The following TNS2 variants were observed in gnomAD, a reference collection of about 807,000 sequenced individuals.
TNS2 encodes tensin 2, also known as tensin-2.
TNS2 carries 77 observed loss-of-function variants against 155.7 expected under a neutral mutation model. The ratio of observed to expected loss-of-function variants is 0.49; its 90% CI spans 0.41 to 0.60. The LOEUF (loss-of-function observed/expected upper bound fraction) is 0.60, where lower values mean the gene tolerates loss of function less well. TNS2 is among the 20% of genes least tolerant of loss of function. The pLI, the probability that TNS2 is intolerant of heterozygous loss-of-function variation, is 0.00. For missense variants in TNS2, 1,703 were observed against 1,868.8 expected (o/e 0.91, Z 1.64); for synonymous variants, 726 against 763.9 (o/e 0.95, Z 0.82).
upstream of TNS2, among the ~76,000 whole-genome samples, chr12:53,048,249 G>A (rs1943798686): frequency 6.6e-6 from 1 of 152,210 alleles, no homozygotes; most frequent in African/African-American, 2.4e-5. Context: ...CCCTCACCGA[G>A]CTCACTGCTT....
At position 53,051,869 on chromosome 12, in the gene TNS2, G is replaced by A; in HGVS notation, c.90G>A (p.Glu30=). 6.2e-7 allele frequency: 1 copy of A among 1,613,332 alleles called. No individual in the cohort carries two copies. The highest frequency in any genetic ancestry group is 8.5e-7 in the Non-Finnish European group (1 of 1,179,568). ...SRAASRPRKA[E]PHSFREKVFR... Reference sequence around the variant, plus strand: ...TCCACCTTCAGCCTAGGAAAGCTGAGCCTCATAGCTTCCGGGAGAAGGTTT... The same window carrying A: ...TCCACCTTCAGCCTAGGAAAGCTGAACCTCATAGCTTCCGGGAGAAGGTTT... The change falls in exon 2 of 29, where the codon GAG becomes GAA. Residue 30 remains glutamate (E), a synonymous_variant. Transcript: ENST00000314250.
intron 11 of TNS2, 87 bp from the exon 12 acceptor site, chr12:53,057,480 G>C (rs1026276685): frequency 1.0e-6 from 1 of 1,003,398 alleles, no homozygotes; most frequent in East Asian, 2.4e-5. Context: ...GCAGAAGAGC[G>C]AGCCTTCTAA....
chr12:53,053,900 G>T lies in TNS2; in HGVS notation c.301-65G>T. On this transcript the variant is annotated intron_variant, in intron 5 of 28. Transcript: ENST00000314250. ...CTGAAGACAAAAAGGGCATGGCTCT[G>T]GAGTGGGCAGTCTAGAGTAGGGGGT... 8.1e-6 allele frequency: 13 copies of T among 1,614,026 alleles called. No homozygotes were observed. The South Asian group carries it at 1.4e-4, about 18-fold the overall frequency.
intron 24 of TNS2, 58 bp downstream of exon 24, chr12:53,062,511 G>T: frequency 6.2e-7 from 1 of 1,609,642 alleles, no homozygotes; most frequent in East Asian, 2.2e-5. Context: ...GCCAAAGCAG[G>T]ATCCAGAGGT....
At position 53,055,591 on chromosome 12, in the gene TNS2, G is replaced by A; in HGVS notation, c.597G>A (p.Glu199=). 1 of 1,610,688 alleles carries A rather than the reference G, an allele frequency of 6.2e-7. No homozygotes were observed. The part of the protein sequence containing the change: ...NPKVQDFGWP[E]LHAPPLDKLC... Reference sequence around the variant, plus strand: ...AGGTTCAAGACTTCGGCTGGCCTGAGCTGCATGCTCCACCCCTGGACAAGC... The same window carrying A: ...AGGTTCAAGACTTCGGCTGGCCTGAACTGCATGCTCCACCCCTGGACAAGC... The change falls in exon 9 of 29, where the codon GAG becomes GAA. Residue 199 remains glutamate (E), a synonymous_variant. Coordinates refer to ENST00000314250, the MANE Select transcript of TNS2 (RefSeq NM_170754.4).
At position 53,060,882 on chromosome 12, in the gene TNS2, A is replaced by G. The variant is rs773076109; in HGVS notation, c.2976A>G (p.Pro992=). ...SPSDWPQERS[P]GGHSDGASPR... is the part of the protein sequence containing the mutation. ...GTGACTGGCCTCAGGAAAGGAGTCC[A>G]GGGGGCCACTCAGATGGCGCCAGTC... Residue 992 remains proline (P), a synonymous_variant, in exon 20 of 29, where the codon CCA becomes CCG. Transcript: ENST00000314250. The surrounding 1 kb of genome is among the most constrained non-coding windows in gnomAD (Gnocchi z 6.1). The G allele has an allele frequency of 1.2e-5, 19 of 1,591,678 alleles. No homozygotes were observed. In the Admixed American group the frequency reaches 3.3e-4, roughly 27 times the overall value.
In TNS2 at chr12:53,063,228, G is replaced by A; in HGVS notation, c.3963G>A (p.Gln1321=). ...TTGTCCACTTCAAGGTGTCAGCCCA[G>A]GGCATTACACTGACGGACAACCAAA... ...PAVVHFKVSA[Q]GITLTDNQRK... is the part of the protein sequence containing the mutation. Residue 1321 remains glutamine (Q), a synonymous_variant, in exon 26 of 29, where the codon CAG becomes CAA. Coordinates refer to ENST00000314250, the MANE Select transcript of TNS2 (RefSeq NM_170754.4). The surrounding 1 kb of genome is among the most constrained non-coding windows in gnomAD (Gnocchi z 5.6). The A allele has an allele frequency of 6.2e-7, 1 of 1,612,958 alleles. No homozygotes were observed. Among genetic ancestry groups the A allele is most frequent in the Non-Finnish European group, 8.5e-7 (1 of 1,179,572 alleles).
At chr12:53,054,117 C>G (rs1303514019) in intron 6 of TNS2, 103 bp downstream of exon 6, 10 of 1,575,700 alleles carry the variant, frequency 6.3e-6, no homozygotes, top group Non-Finnish European at 8.7e-6. Flanking sequence ...GGACAGCCCC[C>G]CACCCCCAAA....
chr12:53,047,648 C>A (rs1313160147), upstream of TNS2, among the ~76,000 whole-genome samples: 1 of 151,896 alleles, frequency 6.6e-6, no homozygotes, highest in Non-Finnish European at 1.5e-5. Flanking sequence ...CGGGGCCGCA[C>A]GCCGTGCCAC....
upstream of TNS2, among the ~76,000 whole-genome samples, chr12:53,047,785 G>A (rs1943779762): frequency 6.6e-6 from 1 of 152,182 alleles, no homozygotes; most frequent in Non-Finnish European, 1.5e-5. Flanking sequence ...GCACAGATGA[G>A]GCTGATTCGA....
At position 53,059,858 on chromosome 12, in the gene TNS2, GC is replaced by G. The variant is rs1330758884; in HGVS notation, c.2219del (p.Pro740LeufsTer16). On this transcript the variant is annotated frameshift_variant, in exon 18 of 29. Coordinates refer to ENST00000314250, the MANE Select transcript of TNS2 (RefSeq NM_170754.4). LOFTEE classifies it high-confidence loss of function. The surrounding 1 kb of genome is among the most constrained non-coding windows in gnomAD (Gnocchi z 4.7). ...CTGGGCACCCGCTGCCTCTGCTCTT[GC>G]CTGCCTGTGGGCATCACCATGCCCC... is the stretch of plus-strand genomic sequence containing the variant. ...RPGHPLPLLL[P>X]ACGHHHAPMP... 1 of 1,612,958 alleles carries G rather than the reference GC, an allele frequency of 6.2e-7. No individual in the cohort carries two copies. The highest frequency in any genetic ancestry group is 8.5e-7 in the Non-Finnish European group (1 of 1,179,916).
chr12:53,058,058 T>C lies in TNS2; in HGVS notation c.1051T>C (p.Cys351Arg). 6.2e-7 allele frequency: 1 copy of C among 1,614,108 alleles called. No homozygotes were observed. The highest frequency in any genetic ancestry group is 1.1e-5 in the South Asian group (1 of 91,074). Residue 351 changes from cysteine (C) to arginine (R), a missense_variant, in exon 14 of 29, where the codon TGC (cysteine) becomes CGC (arginine). Cys to Arg is a radical substitution (Grantham distance 180, BLOSUM62 -3). Transcript: ENST00000314250. Reference sequence around the variant, plus strand: ...TGCAGGCCCTGGTCCCCAGCAGCTTTGCATCAGCCTGGAGCCAGCCCTCCT... The same window carrying C: ...TGCAGGCCCTGGTCCCCAGCAGCTTCGCATCAGCCTGGAGCCAGCCCTCCT... ...HIAGPGPQQL[C>R]ISLEPALLLK...
At chr12:53,051,344 G>A (rs138892773) in intron 1 of TNS2, among the ~76,000 whole-genome samples, 1 of 152,260 alleles carries the variant, frequency 6.6e-6, no homozygotes, top group East Asian at 1.9e-4. Flanking sequence ...GGGGGAGGAG[G>A]GCATGTCAGC....
chr12:53,059,953 C>G lies in TNS2; in HGVS notation c.2312C>G (p.Thr771Ser). Residue 771 changes from threonine (T) to serine (S), a missense_variant, in exon 18 of 29, where the codon ACC (threonine) becomes AGC (serine). Thr to Ser is a moderately conservative substitution (Grantham distance 58). Coordinates refer to ENST00000314250, the MANE Select transcript of TNS2 (RefSeq NM_170754.4). This position sits in a 1 kb window ranked among gnomAD's most constrained non-coding sequence, Gnocchi z 4.7. ...GAAGGGCACGAGGGCTGCTCCTACA[C>G]CATGTGCCCCGAAGGCAGGTATGGG... ...GEEGHEGCSY[T>S]MCPEGRYGHP... 6.2e-7 allele frequency: 1 copy of G among 1,612,682 alleles called. No homozygotes were observed. Among genetic ancestry groups the G allele is most frequent in the Non-Finnish European group, 8.5e-7 (1 of 1,179,610 alleles).
In TNS2 at chr12:53,059,745, G is replaced by A. The variant is rs1270033738; in HGVS notation, c.2104G>A (p.Ala702Thr). 6.2e-7 allele frequency: 1 copy of A among 1,612,898 alleles called. No individual in the cohort carries two copies. Among genetic ancestry groups the A allele is most frequent in the African/African-American group, 1.3e-5 (1 of 74,928 alleles). Residue 702 changes from alanine (A) to threonine (T), a missense_variant, in exon 18 of 29, where the codon GCA (alanine) becomes ACA (threonine). Coordinates refer to ENST00000314250, the MANE Select transcript of TNS2 (RefSeq NM_170754.4). This position sits in a 1 kb window ranked among gnomAD's most constrained non-coding sequence, Gnocchi z 4.7. ...ACEEKLALPT[A>T]ALYGLRLERE... ...CGAGGAGAAGCTGGCGCTGCCTACA[G>A]CAGCCTTGTATGGACTGCGGCTGGA... is the stretch of plus-strand genomic sequence containing the variant.
chr12:53,052,466 G>T lies in TNS2; in HGVS notation c.196G>T (p.Ala66Ser). ...TGVSCRVCKV[A>S]THRKCEAKVT... ...CTTACCTTCCCTAGTCTGCAAGGTGGCGACGCACAGAAAATGTGAAGCAAA... is the reference window on the plus strand; with the variant it reads ...CTTACCTTCCCTAGTCTGCAAGGTGTCGACGCACAGAAAATGTGAAGCAAA... Residue 66 changes from alanine (A) to serine (S), a missense_variant, in exon 3 of 29, where the codon GCG becomes TCG. Ala to Ser is a moderately conservative substitution (Grantham distance 99). Transcript: ENST00000314250. 6.2e-7 allele frequency: 1 copy of T among 1,613,996 alleles called. No homozygotes were observed. Among genetic ancestry groups the T allele is most frequent in the South Asian group, 1.1e-5 (1 of 91,076 alleles).
chr12:53,049,310 A>C, upstream of TNS2: 1 of 1,406,634 alleles, frequency 7.1e-7, no homozygotes. Context: ...AGAGAGCCCA[A>C]GTTGCAGGGC....
chr12:53,048,236 C>T (rs1159582335), upstream of TNS2, among the ~76,000 whole-genome samples: 1 of 152,220 alleles, frequency 6.6e-6, no homozygotes, highest in Non-Finnish European at 1.5e-5. Flanking sequence ...CTGACCACCC[C>T]ACCCCTCACC....
Position 53,061,855 on chromosome 12 carries a change from G to C in TNS2, c.3489G>C (p.Leu1163=). The change falls in exon 22 of 29, where the codon CTG becomes CTC. Residue 1163 remains leucine (L), a synonymous_variant. Coordinates refer to ENST00000314250, the MANE Select transcript of TNS2 (RefSeq NM_170754.4). ...AGGACAAGGACCCTGGGGCCTTCCT[G>C]ATCAGGGACAGTCATTCATTCCAAG... The part of the protein sequence containing the change: ...LLKDKDPGAF[L]IRDSHSFQGA... 1 of 1,613,846 alleles carries C rather than the reference G, an allele frequency of 6.2e-7. No homozygotes were observed. The highest frequency in any genetic ancestry group is 8.5e-7 in the Non-Finnish European group (1 of 1,179,994).
Sources: allele counts gnomAD v4.1 joint callset (sites outside exome capture counted in the v4.1 genomes callset), GRCh38; gene constraint gnomAD v4.1.1; non-coding constraint Gnocchi (gnomAD v3.1); transcripts MANE v1.5; gene names NCBI Gene and HGNC (gene_info 2026-07-23, HGNC 2026-07-21).